Variants in SEL1L observed in about 807,000 individuals in gnomAD.
The protein encoded by SEL1L is protein sel-1 homolog 1.
Under a neutral mutation model 109.8 loss-of-function variants are expected in SEL1L, and 52 were observed. That is an observed-to-expected ratio of 0.47 (90% CI 0.38 to 0.60). The LOEUF (loss-of-function observed/expected upper bound fraction) is 0.60. Among genes scored for constraint, SEL1L ranks in the 20% least tolerant of loss-of-function variants. SEL1L has a pLI of 0.00. For missense variants in SEL1L, 749 were observed against 962.2 expected (o/e 0.78, Z 2.93); for synonymous variants, 373 against 339.6 (o/e 1.10, Z -1.08).
At position 81,498,430 on chromosome 14, in the gene SEL1L, C is replaced by A. The variant is rs754709685; in HGVS notation, c.956G>T (p.Arg319Leu). ...QSCESALTHY[R>L]LVANHVASDI... ...ATAGATACCATGATTGGCAACAAGA[C>A]GATAGTGAGTCAGGGCAGATTCACA... is the stretch of plus-strand genomic sequence containing the variant. Residue 319 changes from arginine to leucine, a missense_variant, in exon 9 of 21, where the codon CGT becomes CTT. By Grantham distance (102) the Arg-to-Leu change is moderately radical. Transcript: ENST00000336735. 6.2e-7 allele frequency: 1 copy of A among 1,613,546 alleles called. No individual in the cohort carries two copies. Among genetic ancestry groups the A allele is most frequent in the Non-Finnish European group, 8.5e-7 (1 of 1,179,704 alleles).
intron 3 of SEL1L, among the ~76,000 whole-genome samples, chr14:81,506,852 T>C (rs1884259919): frequency 6.6e-6 from 1 of 152,128 alleles, no homozygotes; most frequent in Non-Finnish European, 1.5e-5. Context: ...GTGTTGAAAA[T>C]TATGGTAGGT....
At position 81,471,939 on chromosome 14, in the gene SEL1L, T is replaced by C. The variant is rs919621926; in HGVS notation, c.*5033A>G. On this transcript the variant is annotated 3_prime_UTR_variant, in exon 21 of 21. Coordinates refer to ENST00000336735, the MANE Select transcript of SEL1L (RefSeq NM_005065.6). ...TATTCGTAAAAAAATACCCAAAAAG[T>C]AAAAACTTTCCTTTTTATTTTTCGT... 12 of 152,238 alleles carry C rather than the reference T, an allele frequency of 7.9e-5. No individual in the cohort carries two copies. The highest frequency in any genetic ancestry group is 2.9e-4 in the African/African-American group (12 of 41,454). 9.4% of individuals were successfully genotyped at this position (152,238 alleles called of 1,614,324 possible).
chr14:81,519,886 C>T (rs574803316), intron 3 of SEL1L, among the ~76,000 whole-genome samples: 11 of 152,076 alleles, frequency 7.2e-5, no homozygotes, highest in Non-Finnish European at 1.6e-4. Flanking sequence ...GTTTGGAGAA[C>T]AGAAAAGGGT....
At chr14:81,485,604 G>T in intron 18 of SEL1L, 68 bp downstream of exon 18, 1 of 1,332,502 alleles carries the variant, frequency 7.5e-7, no homozygotes, top group Non-Finnish European at 1.1e-6. Flanking sequence ...ATGATTTAAT[G>T]TTCATGGGAG....
intron 3 of SEL1L, among the ~76,000 whole-genome samples, chr14:81,517,781 T>A (rs1212700159): frequency 1.3e-5 from 2 of 152,182 alleles, no homozygotes; most frequent in South Asian, 2.1e-4. Context: ...CAGGGGAAGC[T>A]GCAAAAAAAT....
chr14:81,487,611 T>A (rs993702288), intron 15 of SEL1L, 73 bp from the exon 16 acceptor site: 41 of 1,549,260 alleles, frequency 2.6e-5, no homozygotes, highest in Non-Finnish European at 3.4e-5. Flanking sequence ...GGCTTATATA[T>A]GAAGAATAAA....
intron 10 of SEL1L, 53 bp downstream of exon 10, chr14:81,497,839 G>T: frequency 6.5e-7 from 1 of 1,537,682 alleles, no homozygotes; most frequent in East Asian, 2.3e-5. Flanking sequence ...GTCCCCCACA[G>T]ATTAAAATAT....
At chr14:81,526,368 T>C (rs373852869) in intron 3 of SEL1L, among the ~76,000 whole-genome samples, 9 of 152,158 alleles carry the variant, frequency 5.9e-5, no homozygotes, top group East Asian at 1.9e-4. Flanking sequence ...AAAATAACCA[T>C]AGTGGCATGT....
At chr14:81,514,742 A>G (rs1384265569) in intron 3 of SEL1L, among the ~76,000 whole-genome samples, 1 of 152,178 alleles carries the variant, frequency 6.6e-6, no homozygotes. Context: ...GGAAACAGGC[A>G]TCAATAGGCT....
Position 81,533,802 on chromosome 14 carries a change from G to T in SEL1L, c.-58C>A. On this transcript the variant is annotated 5_prime_UTR_variant, in exon 1 of 21. Transcript: ENST00000336735. ...CTGTCGCCTTCGCCTCTGCCACCAC[G>T]GACTCAGCCACCACCGCCGCCTCGC... is the stretch of plus-strand genomic sequence containing the variant. 6.5e-7 allele frequency: 1 copy of T among 1,534,972 alleles called. No individual in the cohort carries two copies. Among genetic ancestry groups the T allele is most frequent in the Non-Finnish European group, 8.9e-7 (1 of 1,120,152 alleles).
At chr14:81,528,585 T>C (rs1885204583) in intron 1 of SEL1L, among the ~76,000 whole-genome samples, 3 of 152,178 alleles carry the variant, frequency 2.0e-5, no homozygotes, top group Admixed American at 2.0e-4. Flanking sequence ...AAATGCTTGA[T>C]TTTTGTATTC....
chr14:81,504,391 T>C (rs1372630613), intron 4 of SEL1L, 85 bp from the exon 5 acceptor site: 1 of 933,562 alleles, frequency 1.1e-6, no homozygotes, highest in Admixed American at 3.2e-5. Context: ...TGGGCAGTCA[T>C]ACAAACAAAA....
chr14:81,480,453 T>G (rs1378781625), intron 19 of SEL1L, among the ~76,000 whole-genome samples: 1 of 152,164 alleles, frequency 6.6e-6, no homozygotes, highest in Non-Finnish European at 1.5e-5. Context: ...CCTCCCAAAG[T>G]GGGCTCATTC....
In SEL1L at chr14:81,487,880, C is replaced by T. The variant is rs1383860332; in HGVS notation, c.1458G>A (p.Gln486=). The T allele has an allele frequency of 2.5e-6, 4 of 1,613,936 alleles. No individual in the cohort carries two copies. The highest frequency in any genetic ancestry group is 3.4e-6 in the Non-Finnish European group (4 of 1,179,910). Residue 486 remains glutamine, a synonymous_variant, in exon 15 of 21, where the codon CAG becomes CAA. Coordinates refer to ENST00000336735, the MANE Select transcript of SEL1L (RefSeq NM_005065.6). ...KAAEQGWVDG[Q]LQLGSMYYNG... is the part of the protein sequence containing the mutation. ...TATAGTACATGGAACCAAGCTGTAG[C>T]TGCCCATCCACCCAGCCTTGTTCAG...
chr14:81,476,041 T>C lies in SEL1L; in HGVS notation c.*931A>G, dbSNP rs1903148542. 1.3e-5 allele frequency: 2 copies of C among 152,172 alleles called. No homozygotes were observed. The highest frequency in any genetic ancestry group is 2.9e-5 in the Non-Finnish European group (2 of 68,022). The allele number at this position is 152,172 out of a possible 1,614,324, so 9.4% of individuals were successfully genotyped here. A position where few individuals can be genotyped will look rare whatever the true frequency, so the allele number is the denominator to read the frequency against. On this transcript the variant is annotated 3_prime_UTR_variant, in exon 21 of 21. Transcript: ENST00000336735. Reference sequence around the variant, plus strand: ...TCTTTGTGCAAAAAGAAATGCAAAGTAAAATAAATCCTGGGAACAAATGCT... The same window carrying C: ...TCTTTGTGCAAAAAGAAATGCAAAGCAAAATAAATCCTGGGAACAAATGCT...
chr14:81,477,766 C>T (rs1387701556), intron 20 of SEL1L, among the ~76,000 whole-genome samples: 2 of 152,098 alleles, frequency 1.3e-5, no homozygotes, highest in African/African-American at 4.8e-5. Context: ...TGAGCCGAGA[C>T]TGTGCCACTG....
intron 2 of SEL1L, 145 bp from the exon 3 acceptor site, chr14:81,527,109 G>C (rs1885143028): frequency 3.1e-6 from 2 of 642,876 alleles, no homozygotes; most frequent in East Asian, 5.7e-5. Context: ...GCTTTGGCAT[G>C]TGTCCATCAC....
At chr14:81,480,902 C>G (rs1316925015) in intron 19 of SEL1L, among the ~76,000 whole-genome samples, 1 of 152,160 alleles carries the variant, frequency 6.6e-6, no homozygotes, top group Non-Finnish European at 1.5e-5. Context: ...ATCTACCCCA[C>G]TCTTTCCTCC....
intron 1 of SEL1L, among the ~76,000 whole-genome samples, chr14:81,533,191 A>G (rs970152500): frequency 3.3e-5 from 5 of 151,662 alleles, no homozygotes; most frequent in African/African-American, 9.8e-5. Flanking sequence ...TTTTAAACAG[A>G]CAGACCAGGG....
Sources: allele counts gnomAD v4.1 joint callset (sites outside exome capture counted in the v4.1 genomes callset), GRCh38; gene constraint gnomAD v4.1.1; transcripts MANE v1.5; gene names NCBI Gene and HGNC (gene_info 2026-07-23, HGNC 2026-07-21).